Variants in PATJ observed in about 807,000 individuals in gnomAD.
PATJ encodes the protein PATJ crumbs cell polarity complex component, also known as inaD-like protein.
In PATJ, 190 loss-of-function variants were observed where a neutral mutation model predicts 224.9. That is an observed-to-expected ratio of 0.84 (90% CI 0.75 to 0.95). The LOEUF (loss-of-function observed/expected upper bound fraction) is 0.95, where lower values mean the gene tolerates loss of function less well. Among genes scored for constraint, PATJ ranks in the 40% least tolerant of loss-of-function variants. The probability of loss-of-function intolerance (pLI) is 0.00; values close to 1 mark genes in which losing one functional copy is unlikely to be tolerated. For missense variants in PATJ, 2,121 were observed against 2,270.3 expected (o/e 0.93, Z 1.34); for synonymous variants, 769 against 820.3 (o/e 0.94, Z 1.07).
At chr1:61,946,516 G>A (rs1477264186) in intron 27 of PATJ, among the ~76,000 whole-genome samples, 2 of 152,140 alleles carry the variant, frequency 1.3e-5, no homozygotes, top group Non-Finnish European at 2.9e-5. Context: ...GACTAAACCA[G>A]GAAGAAGTTG....
Position 61,856,156 on chromosome 1 carries a change from A to C in PATJ, c.2239A>C (p.Asn747His), listed in dbSNP as rs923806076. 6.2e-6 allele frequency: 10 copies of C among 1,614,088 alleles called. No homozygotes were observed. In the Admixed American group the frequency reaches 1.7e-4, roughly 27 times the overall value. The stretch of plus-strand genomic sequence containing the variant: ...CTCAGTCAATGAATACTGTTTGGAC[A>C]ACACCTCACTTGCTGAAGCTGTGGA... The part of the protein sequence containing the change: ...LVSVNEYCLD[N>H]TSLAEAVEIL... Residue 747 changes from asparagine (N) to histidine (H), a missense_variant, in exon 18 of 44, where the codon AAC (asparagine) becomes CAC (histidine). Physicochemically the swap from Asn to His is moderately conservative, Grantham distance 68. Coordinates refer to ENST00000642238, the MANE Select transcript of PATJ (RefSeq NM_001350145.3).
chr1:62,043,328 G>A (rs1216110913), intron 30 of PATJ, among the ~76,000 whole-genome samples: 1 of 152,216 alleles, frequency 6.6e-6, no homozygotes. Flanking sequence ...GCATAGTGAT[G>A]TGAACATAAG....
intron 37 of PATJ, among the ~76,000 whole-genome samples, chr1:62,119,492 A>G (rs1437915638): frequency 6.6e-6 from 1 of 152,198 alleles, no homozygotes; most frequent in East Asian, 1.9e-4. Flanking sequence ...ATTAAGAGAG[A>G]AATAACTTCT....
intron 30 of PATJ, among the ~76,000 whole-genome samples, chr1:62,042,687 C>T (rs1459779946): frequency 6.6e-6 from 1 of 152,136 alleles, no homozygotes; most frequent in Non-Finnish European, 1.5e-5. Context: ...TTTTCTGTAG[C>T]CCAGGCTAGA....
chr1:61,869,577 T>C (rs1367639072), intron 20 of PATJ, among the ~76,000 whole-genome samples: 2 of 152,198 alleles, frequency 1.3e-5, no homozygotes, highest in African/African-American at 4.8e-5. Flanking sequence ...AAGGCTTTTT[T>C]CTGCATCTGT....
chr1:61,792,183 T>A (rs914955152), intron 9 of PATJ, among the ~76,000 whole-genome samples: 1 of 152,364 alleles, frequency 6.6e-6, no homozygotes, highest in East Asian at 1.9e-4. Flanking sequence ...AGAGTGCTAA[T>A]GTATTCAAAG....
intron 39 of PATJ, among the ~76,000 whole-genome samples, chr1:62,127,220 C>T (rs1180470514): frequency 6.6e-6 from 1 of 152,030 alleles, no homozygotes; most frequent in Non-Finnish European, 1.5e-5. Context: ...AGATTAATAA[C>T]AGGGGTGACA....
At chr1:61,948,906 C>T (rs1186393803) in intron 27 of PATJ, among the ~76,000 whole-genome samples, 1 of 152,080 alleles carries the variant, frequency 6.6e-6, no homozygotes, top group African/African-American at 2.4e-5. Flanking sequence ...AAGTTCATGT[C>T]ATTTGTAGGG....
At position 61,822,980 on chromosome 1, in the gene PATJ, A is replaced by G. The variant is rs904774253; in HGVS notation, c.1719A>G (p.Glu573=). 24 of 1,614,080 alleles carry G rather than the reference A, an allele frequency of 1.5e-5. No individual in the cohort carries two copies. The highest frequency in any genetic ancestry group is 1.9e-5 in the Non-Finnish European group (22 of 1,179,990). Residue 573 remains glutamate (E), a synonymous_variant, in exon 15 of 44, where the codon GAA becomes GAG. Transcript: ENST00000642238. ...TTCACACTCTGAGGCTTGGTGTGGA[A>G]GTGGATTCCTTTGATGGGCACCATT... ...LPIHTLRLGV[E]VDSFDGHHYI...
intron 1 of PATJ, among the ~76,000 whole-genome samples, chr1:61,745,121 G>A (rs1644958084): frequency 1.3e-5 from 2 of 152,180 alleles, no homozygotes; most frequent in Admixed American, 1.3e-4. Flanking sequence ...ATTGAAGCAT[G>A]GGGTAGGGAA....
chr1:61,816,990 A>G (rs991470505), intron 14 of PATJ, among the ~76,000 whole-genome samples: 4 of 152,202 alleles, frequency 2.6e-5, no homozygotes, highest in African/African-American at 7.2e-5. Context: ...GTAGAGAATT[A>G]TTATTCAGAT....
rs74076523 is a variant in PATJ at position 62,086,863 on chromosome 1, G to A, written c.4377+2215G>A. ...GACCCAGCTGGCTGCTTTGGGTGCC[G>A]GCAGGAGCAGGCTCTGTGGGGTCCC... On this transcript the variant is annotated intron_variant, in intron 33 of 43. Coordinates refer to ENST00000642238, the MANE Select transcript of PATJ (RefSeq NM_001350145.3). This position sits in a 1 kb window ranked among gnomAD's most constrained non-coding sequence, Gnocchi z 4.0. Among the ~76,000 whole-genome samples the A allele has an allele frequency of 0.03, 4,613 of 152,176 alleles. 216 individuals carry two copies. Among genetic ancestry groups the A allele is most frequent in the African/African-American group, 0.11 (4,403 of 41,508 alleles).
chr1:61,805,379 A>G, intron 12 of PATJ, 69 bp from the exon 13 acceptor site: 1 of 917,592 alleles, frequency 1.1e-6, no homozygotes, highest in Non-Finnish European at 1.8e-6. Context: ...AGAATTTAGC[A>G]GTTAAGTGTG....
chr1:61,996,741 C>CTTTTT (rs56215259), intron 28 of PATJ, among the ~76,000 whole-genome samples: 64 of 97,710 alleles, frequency 6.5e-4, no homozygotes, highest in Non-Finnish European at 9.6e-4. Flanking sequence ...CTTTTCTTTT[C>CTTTTT]TTTTTTTTTT....
chr1:62,052,966 G>A (rs1486893215), intron 31 of PATJ, among the ~76,000 whole-genome samples: 2 of 152,142 alleles, frequency 1.3e-5, no homozygotes, highest in Non-Finnish European at 2.9e-5. Flanking sequence ...TTGTAGGTAG[G>A]CATCCCCAAT....
At position 62,078,026 on chromosome 1, in the gene PATJ, C is replaced by G. The variant is rs537604310; in HGVS notation, c.4126-1424C>G. Among the ~76,000 whole-genome samples the G allele has an allele frequency of 6.6e-4, 101 of 152,342 alleles. 1 individual carries two copies. Among genetic ancestry groups the G allele is most frequent in the African/African-American group, 2.3e-3 (97 of 41,576 alleles). ...GGTATTGTTTTGTTGTTACTGCACA[C>G]TGCACAATGCCCTGTATTGAGGCAC... On this transcript the variant is annotated intron_variant, in intron 31 of 43. Coordinates refer to ENST00000642238, the MANE Select transcript of PATJ (RefSeq NM_001350145.3).
intron 27 of PATJ, among the ~76,000 whole-genome samples, chr1:61,938,566 T>C (rs1218754568): frequency 7.9e-5 from 12 of 152,070 alleles, no homozygotes; most frequent in Non-Finnish European, 2.9e-5. Context: ...CTAACAGTAA[T>C]AGGCTGTGTG....
chr1:61,893,722 G>C (rs1041440911), intron 22 of PATJ, among the ~76,000 whole-genome samples: 1 of 151,298 alleles, frequency 6.6e-6, no homozygotes, highest in African/African-American at 2.4e-5. Flanking sequence ...CTGTGATTGT[G>C]CCACTGCACT....
At chr1:62,007,881 CAT>C (rs1314508367) in intron 28 of PATJ, among the ~76,000 whole-genome samples, 1 of 152,162 alleles carries the variant, frequency 6.6e-6, no homozygotes, top group Non-Finnish European at 1.5e-5. Context: ...GTCCAAATAC[CAT>C]CGTATTGGGA....
Sources: gnomAD v4.1 joint callset for allele counts (sites outside exome capture counted in the v4.1 genomes callset) on GRCh38, gnomAD v4.1.1 for gene constraint, Gnocchi (gnomAD v3.1) non-coding constraint, MANE v1.5 for transcripts, NCBI Gene and HGNC (gene_info 2026-07-23, HGNC 2026-07-21) for gene names.